The following CNTN5 variants were observed in gnomAD, a reference collection of about 807,000 sequenced individuals.
CNTN5 encodes the protein contactin 5, also known as contactin-5.
In CNTN5, 77 loss-of-function variants were observed where a neutral mutation model predicts 129.1. The observed-to-expected ratio is 0.60, with a 90% CI of 0.50 to 0.72. The LOEUF (loss-of-function observed/expected upper bound fraction) is 0.72, where lower values mean the gene tolerates loss of function less well. Among genes scored for constraint, CNTN5 ranks in the 30% least tolerant of loss-of-function variants. The pLI is 0.00. For synonymous variants in CNTN5, 509 were observed against 465.6 expected (o/e 1.09, Z -1.20); for missense variants, 1,478 against 1,328.8 (o/e 1.11, Z -1.75).
chr11:100,002,702 A>G (rs904693057), intron 9 of CNTN5, among the ~76,000 whole-genome samples: 1 of 152,132 alleles, frequency 6.6e-6, no homozygotes, highest in Admixed American at 6.6e-5. Context: ...ATATTTAATG[A>G]TTATATTTCT....
At chr11:99,191,138 A>G (rs1858621490) in intron 1 of CNTN5, among the ~76,000 whole-genome samples, 1 of 151,742 alleles carries the variant, frequency 6.6e-6, no homozygotes. Context: ...TGTGTGTACC[A>G]TATTTATAGA....
intron 2 of CNTN5, among the ~76,000 whole-genome samples, chr11:99,470,923 G>T (rs950310516): frequency 6.6e-6 from 1 of 151,924 alleles, no homozygotes; most frequent in Admixed American, 6.6e-5. Context: ...TAAAAAGTTA[G>T]GTAGATCTTA....
At chr11:99,068,770 T>G (rs945866103) in intron 1 of CNTN5, among the ~76,000 whole-genome samples, 8 of 152,198 alleles carry the variant, frequency 5.3e-5, no homozygotes, top group African/African-American at 1.9e-4. Context: ...CAAAATAAAC[T>G]AGTTCACAAT....
chr11:99,784,427 C>T (rs1268490704), intron 3 of CNTN5, among the ~76,000 whole-genome samples: 1 of 151,988 alleles, frequency 6.6e-6, no homozygotes, highest in African/African-American at 2.4e-5. Flanking sequence ...TGTTAATTTG[C>T]TGAGAATGAT....
intron 1 of CNTN5, among the ~76,000 whole-genome samples, chr11:99,025,287 A>C (rs1190955141): frequency 5.3e-5 from 8 of 152,094 alleles, no homozygotes; most frequent in South Asian, 2.1e-4. Flanking sequence ...ATTAAAGGGA[A>C]AGTGACTAAA....
chr11:99,412,363 T>C, intron 2 of CNTN5, among the ~76,000 whole-genome samples: 1 of 152,190 alleles, frequency 6.6e-6, no homozygotes, highest in East Asian at 1.9e-4. Flanking sequence ...CTAGGGAATA[T>C]ATATAAAGAT....
chr11:99,784,062 G>A (rs919409946), intron 3 of CNTN5, among the ~76,000 whole-genome samples: 7 of 152,170 alleles, frequency 4.6e-5, no homozygotes, highest in Admixed American at 3.3e-4. Context: ...CTACTCAAAT[G>A]TATGTACACA....
At chr11:99,920,324 C>T (rs940653590) in intron 7 of CNTN5, among the ~76,000 whole-genome samples, 1 of 152,138 alleles carries the variant, frequency 6.6e-6, no homozygotes, top group African/African-American at 2.4e-5. Context: ...ACTATAACTT[C>T]TTATCTCCTT....
At chr11:99,316,908 G>A (rs1029077580) in intron 1 of CNTN5, among the ~76,000 whole-genome samples, 1 of 152,104 alleles carries the variant, frequency 6.6e-6, no homozygotes, top group African/African-American at 2.4e-5. Context: ...TTTCATGGGT[G>A]TTACTCGACT....
intron 8 of CNTN5, among the ~76,000 whole-genome samples, chr11:99,981,764 C>T (rs1235344552): frequency 6.6e-6 from 1 of 152,158 alleles, no homozygotes; most frequent in East Asian, 1.9e-4. Context: ...GGTCATCATT[C>T]TATGCCATAA....
chr11:99,908,637 C>G (rs1439953721), intron 6 of CNTN5, among the ~76,000 whole-genome samples: 2 of 152,016 alleles, frequency 1.3e-5, no homozygotes, highest in African/African-American at 4.8e-5. Context: ...TCACATTAAA[C>G]ACACTGATAT....
chr11:99,103,219 G>T (rs1040872784), intron 1 of CNTN5, among the ~76,000 whole-genome samples: 4 of 152,130 alleles, frequency 2.6e-5, no homozygotes, highest in Non-Finnish European at 4.4e-5. Context: ...TTCAAGATGA[G>T]ATTTGGGTGG....
intron 4 of CNTN5, 32 bp downstream of exon 4, chr11:99,819,797 A>G (rs1946739410): frequency 5.9e-6 from 2 of 340,766 alleles, no homozygotes; most frequent in African/African-American, 8.7e-5. Context: ...CTCCAGATAG[A>G]ATAAAGGAGG....
intron 13 of CNTN5, among the ~76,000 whole-genome samples, chr11:100,147,613 T>A (rs946488839): frequency 6.6e-6 from 1 of 152,064 alleles, no homozygotes; most frequent in African/African-American, 2.4e-5. Context: ...GCCTTATATT[T>A]TTTTGTCAAA....
At chr11:99,043,178 A>C (rs1864072394) in intron 1 of CNTN5, among the ~76,000 whole-genome samples, 1 of 152,340 alleles carries the variant, frequency 6.6e-6, no homozygotes, top group South Asian at 2.1e-4. Context: ...GTTTAAAACA[A>C]AAGTGCCATA....
At chr11:99,830,155 G>C (rs1424926786) in intron 4 of CNTN5, among the ~76,000 whole-genome samples, 1 of 152,062 alleles carries the variant, frequency 6.6e-6, no homozygotes, top group Admixed American at 6.6e-5. Context: ...TGTTTGTCCT[G>C]ATTCAGAGAC....
intron 2 of CNTN5, among the ~76,000 whole-genome samples, chr11:99,421,914 T>C (rs1942905091): frequency 6.6e-6 from 1 of 152,224 alleles, no homozygotes; most frequent in Non-Finnish European, 1.5e-5. Context: ...ATCATAGATT[T>C]TACATGCATC....
At chr11:99,644,203 A>G (rs1276993958) in intron 3 of CNTN5, among the ~76,000 whole-genome samples, 4 of 146,452 alleles carry the variant, frequency 2.7e-5, no homozygotes, top group Admixed American at 2.1e-4. Context: ...CATGTCTTGG[A>G]GAGGAGTCAA....
chr11:99,987,152 A>T (rs1938735820), intron 8 of CNTN5, among the ~76,000 whole-genome samples: 1 of 152,102 alleles, frequency 6.6e-6, no homozygotes, highest in Non-Finnish European at 1.5e-5. Context: ...TCACCCACAT[A>T]TATAGTTGAT....
Sources: gnomAD v4.1 joint callset for allele counts (sites outside exome capture counted in the v4.1 genomes callset) on GRCh38, gnomAD v4.1.1 for gene constraint, MANE v1.5 for transcripts, NCBI Gene and HGNC (gene_info 2026-07-23, HGNC 2026-07-21) for gene names.